PRPS2: variants seen among roughly 807,000 people sequenced by gnomAD.
PRPS2 encodes phosphoribosyl pyrophosphate synthetase 2.
For synonymous variants in PRPS2, 111 were observed against 115.3 expected, an observed-to-expected ratio of 0.96 and a Z score of 0.24; for missense variants, 104 against 271.5, an observed-to-expected ratio of 0.38 and a Z score of 4.34.
intron 4 of PRPS2, 169 bp downstream of exon 4, chrX:12,810,315 G>T (rs1307208294): frequency 3.5e-6 from 2 of 572,841 alleles, no homozygotes; most frequent in Admixed American, 8.9e-5. Context: ...CATCATCTTT[G>T]TTAATATTTC....
At chrX:12,820,398 G>A (rs1683259443) in intron 5 of PRPS2, among the ~76,000 whole-genome samples, 1 of 111,007 alleles carries the variant, frequency 9.0e-6, no homozygotes, top group Non-Finnish European at 1.9e-5. Flanking sequence ...CCCATAATGC[G>A]TAGGACAGCC....
chrX:12,801,356 G>A (rs979454402), intron 2 of PRPS2, among the ~76,000 whole-genome samples: 1 of 111,229 alleles, frequency 9.0e-6, no homozygotes, highest in African/African-American at 3.3e-5. Flanking sequence ...TATTTATACA[G>A]ACAGCTCCTT....
At chrX:12,801,470 T>C (rs2042570344) in intron 2 of PRPS2, among the ~76,000 whole-genome samples, 1 of 112,572 alleles carries the variant, frequency 8.9e-6, no homozygotes, top group Admixed American at 9.4e-5. Flanking sequence ...TTCCCATCTG[T>C]GTGTTTCCAC....
intron 2 of PRPS2, among the ~76,000 whole-genome samples, chrX:12,807,669 GC>G: frequency 9.0e-6 from 1 of 110,963 alleles, no homozygotes; most frequent in Non-Finnish European, 1.9e-5. Context: ...TATCCCAAAG[GC>G]AACATGGAAT....
Position 12,803,641 on chromosome X carries a change from A to G in PRPS2, c.306+4251A>G, listed in dbSNP as rs187298014. Among the ~76,000 whole-genome samples the G allele has an allele frequency of 1.3e-4, 15 of 112,371 alleles. No homozygotes were observed. In the East Asian group the frequency reaches 4.2e-3, roughly 31 times the overall value. On this transcript the variant is annotated intron_variant, in intron 2 of 6. Transcript: ENST00000380668. ...GAGGTAGCATCTAGTGTTCACCTGAATAATCCAGGATAATCTCCCCATCTC... is the reference window on the plus strand; with the variant it reads ...GAGGTAGCATCTAGTGTTCACCTGAGTAATCCAGGATAATCTCCCCATCTC...
chrX:12,795,766 A>AT (rs1029990450), intron 1 of PRPS2, among the ~76,000 whole-genome samples: 1 of 112,418 alleles, frequency 8.9e-6, no homozygotes, highest in Non-Finnish European at 1.9e-5. Flanking sequence ...TATACTGGGG[A>AT]TTAAGCTTTC....
chrX:12,814,996 T>C (rs908259322), intron 4 of PRPS2, among the ~76,000 whole-genome samples: 1 of 111,699 alleles, frequency 9.0e-6, no homozygotes, highest in African/African-American at 3.3e-5. Flanking sequence ...ACTGTATGTA[T>C]ATAATTTTCG....
At chrX:12,791,707 C>T in intron 1 of PRPS2, 88 bp downstream of exon 1, 1 of 807,955 alleles carries the variant, frequency 1.2e-6, no homozygotes, top group Non-Finnish European at 1.5e-6. Context: ...GCCCGGGCCA[C>T]CTCCGCGGAC....
chrX:12,806,267 TC>T (rs952002903), intron 2 of PRPS2, among the ~76,000 whole-genome samples: 6 of 112,081 alleles, frequency 5.4e-5, no homozygotes, highest in African/African-American at 1.9e-4. Flanking sequence ...GAACAGTTTT[TC>T]CTGATGTGAA....
Position 12,820,718 on chromosome X carries a change from G to A in PRPS2, c.779G>A (p.Arg260Lys). The A allele has an allele frequency of 8.3e-7, 1 of 1,211,472 alleles. No individual in the cohort carries two copies. Among genetic ancestry groups the A allele is most frequent in the Non-Finnish European group, 1.1e-6 (1 of 895,449 alleles). ...HGIFSGPAIS[R>K]INNAAFEAVV... is the part of the protein sequence containing the mutation. ...ATCTTCTCTGGACCAGCTATTTCCAGAATAAATAATGCCGCCTTTGAGGCT... is the reference window on the plus strand; with the variant it reads ...ATCTTCTCTGGACCAGCTATTTCCAAAATAAATAATGCCGCCTTTGAGGCT... Residue 260 changes from arginine to lysine, a missense_variant, in exon 6 of 7, where the codon AGA becomes AAA. Transcript: ENST00000380668.
At chrX:12,795,610 G>C (rs2042539316) in intron 1 of PRPS2, among the ~76,000 whole-genome samples, 1 of 111,812 alleles carries the variant, frequency 8.9e-6, no homozygotes, top group African/African-American at 3.3e-5. Flanking sequence ...ATTTGAGAGA[G>C]AGCAATAGAG....
intron 3 of PRPS2, 55 bp from the exon 4 acceptor site, chrX:12,809,965 CAA>C (rs754637532): frequency 4.6e-6 from 5 of 1,091,356 alleles, no homozygotes; most frequent in Admixed American, 3.6e-5. Context: ...TTTAAAAAAA[CAA>C]AAGAAAACAA....
chrX:12,817,578 G>C (rs187893639), intron 4 of PRPS2, among the ~76,000 whole-genome samples: 359 of 110,134 alleles, frequency 3.3e-3, no homozygotes, highest in African/African-American at 0.011. Flanking sequence ...TTGAAGACAG[G>C]GACTCAAACA....
intron 4 of PRPS2, among the ~76,000 whole-genome samples, chrX:12,810,549 A>G (rs966340927): frequency 6.3e-5 from 7 of 111,856 alleles, no homozygotes; most frequent in Non-Finnish European, 1.1e-4. Context: ...CTCTGTACAT[A>G]GAATACCAAG....
chrX:12,801,330 G>A (rs1487970501), intron 2 of PRPS2, among the ~76,000 whole-genome samples: 1 of 110,590 alleles, frequency 9.0e-6, no homozygotes, highest in African/African-American at 3.3e-5. Context: ...CTGTGAAGCT[G>A]TATCCTCCCA....
chrX:12,799,913 C>T (rs1036607071), intron 2 of PRPS2, among the ~76,000 whole-genome samples: 4 of 111,819 alleles, frequency 3.6e-5, no homozygotes, highest in Non-Finnish European at 7.5e-5. Flanking sequence ...CCCATGATCT[C>T]TTTTTAACCT....
At chrX:12,814,913 T>C (rs2042640013) in intron 4 of PRPS2, among the ~76,000 whole-genome samples, 1 of 112,189 alleles carries the variant, frequency 8.9e-6, no homozygotes, top group African/African-American at 3.2e-5. Context: ...TATCTGTCTC[T>C]CCTGGGGGAG....
At chrX:12,792,996 A>C (rs932503587) in intron 1 of PRPS2, among the ~76,000 whole-genome samples, 14 of 112,193 alleles carry the variant, frequency 1.2e-4, no homozygotes, top group Non-Finnish European at 3.8e-5. Flanking sequence ...ATTGTGAATG[A>C]GTGGCAGGTG....
intron 3 of PRPS2, 132 bp from the exon 4 acceptor site, chrX:12,809,890 G>T (rs2042614285): frequency 6.9e-6 from 6 of 864,412 alleles, no homozygotes; most frequent in Non-Finnish European, 7.8e-6. Context: ...TAACAAAAGG[G>T]AGTCTGTTAT....
Sources: gnomAD v4.1 joint callset for allele counts (sites outside exome capture counted in the v4.1 genomes callset) on GRCh38, gnomAD v4.1.1 for gene constraint, MANE v1.5 for transcripts, NCBI Gene and HGNC (gene_info 2026-07-23, HGNC 2026-07-21) for gene names.